Variants in LARS2 observed in about 807,000 individuals in gnomAD.
LARS2 encodes the protein leucine--tRNA ligase, mitochondrial.
In LARS2, 81 loss-of-function variants were observed where a neutral mutation model predicts 116.6. The observed-to-expected ratio is 0.69, with a 90% CI of 0.58 to 0.84. The LOEUF is 0.84. Among genes scored for constraint, LARS2 ranks in the 40% least tolerant of loss-of-function variants. The probability of loss-of-function intolerance (pLI) is 0.00; values close to 1 mark genes in which losing one functional copy is unlikely to be tolerated. For missense variants in LARS2, 968 were observed against 1,114.5 expected, an observed-to-expected ratio of 0.87 and a Z score of 1.87; for synonymous variants, 396 against 407.2, an observed-to-expected ratio of 0.97 and a Z score of 0.33.
At position 45,446,766 on chromosome 3, in the gene LARS2, T is replaced by A. The variant is rs1431087835; in HGVS notation, c.517-125T>A. ...TCCTTACTTTACAAACTGGTGAAAA[T>A]ATTTTGAGCTGGTAAATATTTTTGT... On this transcript the variant is annotated intron_variant, in intron 6 of 21. Coordinates refer to ENST00000645846, the MANE Select transcript of LARS2 (RefSeq NM_015340.4). 1.7e-5 allele frequency: 10 copies of A among 597,146 alleles called. No individual in the cohort carries two copies. In the Admixed American group the frequency reaches 2.5e-4, roughly 15 times the overall value. 37.0% of individuals were successfully genotyped at this position (597,146 alleles called of 1,614,324 possible).
chr3:45,516,605 G>A (rs1700372570), intron 17 of LARS2, among the ~76,000 whole-genome samples: 1 of 152,152 alleles, frequency 6.6e-6, no homozygotes, highest in African/African-American at 2.4e-5. Flanking sequence ...ACTCTACGAG[G>A]ACCATGCTTT....
intron 10 of LARS2, among the ~76,000 whole-genome samples, chr3:45,480,339 A>G (rs1426834552): frequency 1.3e-5 from 2 of 152,260 alleles, no homozygotes; most frequent in Admixed American, 6.5e-5. Flanking sequence ...TCCATGCAGT[A>G]TCCCTAGAAA....
At chr3:45,466,992 C>A (rs921471320) in intron 8 of LARS2, among the ~76,000 whole-genome samples, 7 of 152,144 alleles carry the variant, frequency 4.6e-5, no homozygotes, top group Non-Finnish European at 8.8e-5. Context: ...CAGACAATAG[C>A]CAGTCAGCGT....
chr3:45,475,294 C>T (rs1699592953), intron 9 of LARS2, among the ~76,000 whole-genome samples: 1 of 152,204 alleles, frequency 6.6e-6, no homozygotes. Context: ...CCCTGTGCAG[C>T]CTCCTCACAA....
chr3:45,483,203 T>C (rs1034022088), intron 10 of LARS2, among the ~76,000 whole-genome samples: 2 of 152,240 alleles, frequency 1.3e-5, no homozygotes, highest in Admixed American at 6.5e-5. Context: ...TGTCTGTCCA[T>C]GTGCCGTATA....
intron 6 of LARS2, among the ~76,000 whole-genome samples, chr3:45,443,898 G>C (rs1244178924): frequency 6.6e-6 from 1 of 152,008 alleles, no homozygotes; most frequent in African/African-American, 2.4e-5. Flanking sequence ...CTTTGCCTCA[G>C]AGCTGACACT....
chr3:45,543,739 C>T (rs952558149), intron 21 of LARS2, among the ~76,000 whole-genome samples: 4 of 152,136 alleles, frequency 2.6e-5, no homozygotes, highest in African/African-American at 7.2e-5. Flanking sequence ...GCTGGGATTA[C>T]AGGCAGGAGC....
At chr3:45,520,804 CA>C (rs994895680) in intron 19 of LARS2, among the ~76,000 whole-genome samples, 29 of 152,154 alleles carry the variant, frequency 1.9e-4, no homozygotes, top group African/African-American at 6.0e-4. Context: ...AAGGATTTGT[CA>C]ACAAATGTTC....
At chr3:45,455,752 T>A (rs949932210) in intron 7 of LARS2, among the ~76,000 whole-genome samples, 1 of 151,990 alleles carries the variant, frequency 6.6e-6, no homozygotes, top group Admixed American at 6.6e-5. Context: ...TAAGTGTCCA[T>A]CAACAGACGA....
intron 21 of LARS2, among the ~76,000 whole-genome samples, chr3:45,542,533 T>C (rs1371558807): frequency 6.6e-6 from 1 of 152,182 alleles, no homozygotes; most frequent in Non-Finnish European, 1.5e-5. Flanking sequence ...TGAGACACAT[T>C]TATGGTGAAT....
intron 4 of LARS2, among the ~76,000 whole-genome samples, chr3:45,413,312 T>C (rs1036010923): frequency 6.6e-6 from 1 of 152,222 alleles, no homozygotes; most frequent in South Asian, 2.1e-4. Context: ...ATCAGTGATG[T>C]GCGATGCTGT....
At chr3:45,429,919 C>T (rs1698664714) in intron 6 of LARS2, among the ~76,000 whole-genome samples, 2 of 146,622 alleles carry the variant, frequency 1.4e-5, no homozygotes, top group Non-Finnish European at 3.0e-5. Context: ...CCAGGCTGGT[C>T]TTGAACTAGT....
At chr3:45,454,253 A>G (rs567593496) in intron 7 of LARS2, among the ~76,000 whole-genome samples, 2 of 152,346 alleles carry the variant, frequency 1.3e-5, no homozygotes, top group African/African-American at 4.8e-5. Context: ...AAAGAAGAGT[A>G]GAGAGGAGAC....
rs1270777429 is a variant in LARS2, at chr3:45,548,937, G to T, written c.*1407G>T. On this transcript the variant is annotated 3_prime_UTR_variant, in exon 22 of 22. Transcript: ENST00000645846. The stretch of plus-strand genomic sequence containing the variant: ...TCCATCATCATCGGAAGCATTGGCT[G>T]TGTGTCTGACTCCACATGGAATGCT... 6.6e-6 allele frequency: 1 copy of T among 152,208 alleles called. No individual in the cohort carries two copies. Among genetic ancestry groups the T allele is most frequent in the Non-Finnish European group, 1.5e-5 (1 of 68,030 alleles). The allele number at this position is 152,208 out of a possible 1,614,324, so 9.4% of individuals were successfully genotyped here.
chr3:45,547,242 C>T (rs2125774312), intron 21 of LARS2, 109 bp from the exon 22 acceptor site: 1 of 990,560 alleles, frequency 1.0e-6, no homozygotes, highest in South Asian at 1.7e-5. Flanking sequence ...CTATTCCTTT[C>T]CCCTAAACAA....
intron 14 of LARS2, among the ~76,000 whole-genome samples, chr3:45,496,797 A>G (rs1195878166): frequency 1.3e-5 from 2 of 152,268 alleles, no homozygotes; most frequent in Non-Finnish European, 2.9e-5. Context: ...AGCAGCTGGA[A>G]GCTGTCAGTC....
At chr3:45,407,711 C>T (rs1009053521) in intron 4 of LARS2, among the ~76,000 whole-genome samples, 2 of 152,130 alleles carry the variant, frequency 1.3e-5, no homozygotes, top group Non-Finnish European at 2.9e-5. Context: ...CATGGTTGCT[C>T]TCAATTAGAA....
intron 20 of LARS2, among the ~76,000 whole-genome samples, chr3:45,535,088 T>C (rs749733235): frequency 2.0e-5 from 3 of 152,132 alleles, no homozygotes; most frequent in African/African-American, 4.8e-5. Flanking sequence ...GCACACTGGC[T>C]CACTCTTGTA....
At chr3:45,405,869 G>A (rs1698225269) in intron 4 of LARS2, among the ~76,000 whole-genome samples, 2 of 152,168 alleles carry the variant, frequency 1.3e-5, no homozygotes, top group African/African-American at 4.8e-5. Flanking sequence ...CTGTGGCTGG[G>A]AGAAGGGGGT....
Sources: gnomAD v4.1 joint callset for allele counts (sites outside exome capture counted in the v4.1 genomes callset) on GRCh38, gnomAD v4.1.1 for gene constraint, MANE v1.5 for transcripts, NCBI Gene and HGNC (gene_info 2026-07-23, HGNC 2026-07-21) for gene names.